BTBD9: variants seen among roughly 807,000 people sequenced by gnomAD.
BTBD9 encodes BTB domain containing 9, also known as BTB/POZ domain-containing protein 9.
Under a neutral mutation model 64.3 loss-of-function variants are expected in BTBD9, and 49 were observed. The observed-to-expected ratio is 0.76, with a 90% CI of 0.61 to 0.97. BTBD9 has a LOEUF of 0.97. BTBD9 is among the 50% of genes least tolerant of loss of function. The probability of loss-of-function intolerance (pLI) is 0.00; values close to 1 mark genes in which losing one functional copy is unlikely to be tolerated. For synonymous variants in BTBD9, 260 were observed against 274.7 expected (o/e 0.95, Z 0.53); for missense variants, 598 against 762.1 (o/e 0.78, Z 2.53).
At chr6:38,558,564 G>A (rs1327858198) in intron 6 of BTBD9, among the ~76,000 whole-genome samples, 5 of 152,142 alleles carry the variant, frequency 3.3e-5, no homozygotes, top group Admixed American at 2.0e-4. Context: ...TTTGAGGTAT[G>A]TTCTTTTGAT....
intron 1 of BTBD9, among the ~76,000 whole-genome samples, chr6:38,605,307 A>G (rs1183888767): frequency 6.6e-6 from 1 of 152,038 alleles, no homozygotes; most frequent in Non-Finnish European, 1.5e-5. Flanking sequence ...TCAGCCTCCC[A>G]AAGTGCTTGG....
chr6:38,358,788 G>A (rs1438293542), intron 6 of BTBD9, among the ~76,000 whole-genome samples: 5 of 146,900 alleles, frequency 3.4e-5, no homozygotes, highest in East Asian at 4.1e-4. Flanking sequence ...TTTTTGAGAC[G>A]GAGTCTCGCT....
intron 6 of BTBD9, among the ~76,000 whole-genome samples, chr6:38,395,549 C>T (rs1178057793): frequency 6.6e-6 from 1 of 152,170 alleles, no homozygotes; most frequent in Non-Finnish European, 1.5e-5. Context: ...ACTTCTCAGC[C>T]TCCAGAACTG....
intron 9 of BTBD9, among the ~76,000 whole-genome samples, chr6:38,236,982 G>A (rs1763800880): frequency 6.6e-6 from 1 of 152,138 alleles, no homozygotes; most frequent in African/African-American, 2.4e-5. Flanking sequence ...CTGCAAAAGG[G>A]GCCCAGGGGA....
chr6:38,572,896 T>TA (rs1385584854), intron 6 of BTBD9, among the ~76,000 whole-genome samples: 6 of 151,946 alleles, frequency 3.9e-5, no homozygotes, highest in Non-Finnish European at 5.9e-5. Context: ...CTGACAGATT[T>TA]GAATACATTT....
chr6:38,454,356 C>T (rs1269004112), intron 6 of BTBD9, among the ~76,000 whole-genome samples: 1 of 151,872 alleles, frequency 6.6e-6, no homozygotes, highest in Non-Finnish European at 1.5e-5. Flanking sequence ...GATCATAAAG[C>T]ACTGAAAATT....
chr6:38,174,326 A>G lies in BTBD9; in HGVS notation c.*659T>C, dbSNP rs1391661439. The G allele has an allele frequency of 6.6e-6, 1 of 152,270 alleles. No individual in the cohort carries two copies. The highest frequency in any genetic ancestry group is 6.5e-5 in the Admixed American group (1 of 15,288). The allele number at this position is 152,270 out of a possible 1,614,324, so 9.4% of individuals were successfully genotyped here. On this transcript the variant is annotated 3_prime_UTR_variant, in exon 11 of 11. Transcript: ENST00000481247. Reference sequence around the variant, plus strand: ...CTTCCTCTGTGGCCCAAGTGCCAGGATGAGCTGCATCCGTGTCTCATTTAG... The same window carrying G: ...CTTCCTCTGTGGCCCAAGTGCCAGGGTGAGCTGCATCCGTGTCTCATTTAG...
chr6:38,498,504 G>A (rs977395282), intron 6 of BTBD9, among the ~76,000 whole-genome samples: 22 of 148,310 alleles, frequency 1.5e-4, no homozygotes, highest in African/African-American at 4.2e-4. Context: ...AGAAAAGGAT[G>A]TAAGAGGAAT....
chr6:38,437,475 A>T (rs1436794331), intron 6 of BTBD9, among the ~76,000 whole-genome samples: 1 of 152,188 alleles, frequency 6.6e-6, no homozygotes. Context: ...TTTTACTTCT[A>T]TTCACTGAAA....
At chr6:38,428,861 C>T (rs1768304197) in intron 6 of BTBD9, among the ~76,000 whole-genome samples, 1 of 151,372 alleles carries the variant, frequency 6.6e-6, no homozygotes, top group Non-Finnish European at 1.5e-5. Flanking sequence ...TACAGGCGCC[C>T]ACCACGCCCG....
At chr6:38,268,780 C>T (rs537259352) in intron 8 of BTBD9, among the ~76,000 whole-genome samples, 142 of 152,332 alleles carry the variant, frequency 9.3e-4, no homozygotes, top group African/African-American at 3.3e-3. Context: ...AAAACACTTG[C>T]CTATCCAATT....
intron 7 of BTBD9, among the ~76,000 whole-genome samples, chr6:38,314,902 T>C (rs955481719): frequency 2.0e-5 from 3 of 152,068 alleles, no homozygotes; most frequent in African/African-American, 7.2e-5. Context: ...CAGGCTGGAG[T>C]GCAGTGGCGG....
At chr6:38,281,317 G>A (rs1761508012) in intron 8 of BTBD9, among the ~76,000 whole-genome samples, 2 of 152,192 alleles carry the variant, frequency 1.3e-5, no homozygotes, top group Non-Finnish European at 2.9e-5. Context: ...ATAATCTAGA[G>A]TTGGTTGTAG....
chr6:38,610,937 CATCAATACGGTGA>C (rs1379939255), intron 1 of BTBD9, among the ~76,000 whole-genome samples: 4 of 151,796 alleles, frequency 2.6e-5, no homozygotes, highest in African/African-American at 9.7e-5. Context: ...ACTAAACGTC[CATCAATACGGTGA>C]ATGGAAAATA....
rs77627208 is a variant in BTBD9, at chr6:38,468,435, C to T, written c.1154+109165G>A. Among the ~76,000 whole-genome samples, 771 of 152,326 alleles carry T rather than the reference C, an allele frequency of 5.1e-3. 6 individuals carry two copies. The highest frequency in any genetic ancestry group is 0.018 in the African/African-American group (729 of 41,566). Reference sequence around the variant, plus strand: ...ACTCCTGTAACTTTTTCCAGAAATACATTTCTCTGCCTCTTCTGTCTAAAG... The same window carrying T: ...ACTCCTGTAACTTTTTCCAGAAATATATTTCTCTGCCTCTTCTGTCTAAAG... On this transcript the variant is annotated intron_variant, in intron 6 of 10. Transcript: ENST00000481247.
Position 38,597,898 on chromosome 6 carries a change from T to C in BTBD9, c.185+12A>G. The C allele has an allele frequency of 6.2e-7, 1 of 1,612,792 alleles. No homozygotes were observed. The highest frequency in any genetic ancestry group is 8.5e-7 in the Non-Finnish European group (1 of 1,179,292). ...GTGAACTAAATTTTCAAAAAAAGTATTACACACTTACCGAAAATATTGGCA... is the reference window on the plus strand; with the variant it reads ...GTGAACTAAATTTTCAAAAAAAGTACTACACACTTACCGAAAATATTGGCA... On this transcript the variant is annotated intron_variant, in intron 2 of 10. Coordinates refer to ENST00000481247, the MANE Select transcript of BTBD9 (RefSeq NM_001099272.2).
In BTBD9 at chr6:38,345,086, G is replaced by A. The variant is rs1764229155; in HGVS notation, c.1162C>T (p.Arg388Ter). The A allele has an allele frequency of 3.1e-6, 5 of 1,595,726 alleles. No individual in the cohort carries two copies. Among genetic ancestry groups the A allele is most frequent in the Non-Finnish European group, 4.3e-6 (5 of 1,166,720 alleles). The stretch of plus-strand genomic sequence containing the variant: ...ACTGTGTTGTGAGTCCCAACAATTC[G>A]AATATACCTGACGGTAAAAAGAAAA... ...YFPARVCRYI[R>*]IVGTHNTVNK... Residue 388 changes from arginine to a stop codon, truncating the protein, a stop_gained, in exon 7 of 11, where the codon CGA becomes TGA. Coordinates refer to ENST00000481247, the MANE Select transcript of BTBD9 (RefSeq NM_001099272.2). LOFTEE classifies it high-confidence loss of function.
chr6:38,508,149 T>C lies in BTBD9; in HGVS notation c.1154+69451A>G, dbSNP rs116191343. Among the ~76,000 whole-genome samples, 289 of 152,182 alleles carry C rather than the reference T, an allele frequency of 1.9e-3. 1 individual carries two copies. Among genetic ancestry groups the C allele is most frequent in the African/African-American group, 6.5e-3 (269 of 41,548 alleles). ...CACCCGGCCATGTCTCCCAAATCTT[T>C]AGCCCAGATCCTGCTTCCATGCTTC... On this transcript the variant is annotated intron_variant, in intron 6 of 10. Transcript: ENST00000481247.
At chr6:38,511,627 C>T (rs957089718) in intron 6 of BTBD9, among the ~76,000 whole-genome samples, 2 of 152,030 alleles carry the variant, frequency 1.3e-5, no homozygotes, top group Non-Finnish European at 2.9e-5. Context: ...CAGGCATGAG[C>T]CACCGCTCCT....
Sources: allele counts gnomAD v4.1 joint callset (sites outside exome capture counted in the v4.1 genomes callset), GRCh38; gene constraint gnomAD v4.1.1; transcripts MANE v1.5; gene names NCBI Gene and HGNC (gene_info 2026-07-23, HGNC 2026-07-21).